Variants in ZC4H2 observed in about 807,000 individuals in gnomAD.
The protein encoded by ZC4H2 is zinc finger C4H2-type containing, also known as zinc finger C4H2 domain-containing protein.
For synonymous variants in ZC4H2, 84 were observed against 66.3 expected, an observed-to-expected ratio of 1.27 and a Z score of -1.30; for missense variants, 137 against 173.9, an observed-to-expected ratio of 0.79 and a Z score of 1.19.
In ZC4H2 at chrX:64,953,938, A is replaced by G. The variant is rs752978164; in HGVS notation, c.53+22387T>C. Reference sequence around the variant, plus strand: ...CAAGCCAAATGTCCAACAATGATAGACTGGATTAAGAAAATGTGGCATATA... The same window carrying G: ...CAAGCCAAATGTCCAACAATGATAGGCTGGATTAAGAAAATGTGGCATATA... On this transcript the variant is annotated intron_variant, in intron 1 of 4. Coordinates refer to ENST00000374839, the MANE Select transcript of ZC4H2 (RefSeq NM_018684.4). Among the ~76,000 whole-genome samples, 12 of 111,097 alleles carry G rather than the reference A, an allele frequency of 1.1e-4. No homozygotes were observed. In the South Asian group the frequency reaches 4.6e-3, roughly 42 times the overall value.
chrX:65,007,170 T>C (rs1932680357), intron 1 of ZC4H2, among the ~76,000 whole-genome samples: 1 of 112,093 alleles, frequency 8.9e-6, no homozygotes, highest in African/African-American at 3.2e-5. Flanking sequence ...AGTCTTTGTC[T>C]GATATACCTG....
chrX:64,979,112 A>T (rs1932034878), upstream of ZC4H2, among the ~76,000 whole-genome samples: 1 of 112,083 alleles, frequency 8.9e-6, no homozygotes, highest in African/African-American at 3.2e-5. Context: ...ACAGATGAGG[A>T]AACTGAGACC....
At chrX:65,001,434 C>T (rs1386352166) in intron 1 of ZC4H2, among the ~76,000 whole-genome samples, 3 of 111,810 alleles carry the variant, frequency 2.7e-5, no homozygotes, top group African/African-American at 9.8e-5. Flanking sequence ...TACAAGAGAT[C>T]CTGAAGGAAG....
chrX:64,920,349 G>A (rs1929141871), intron 2 of ZC4H2, 96 bp from the exon 3 acceptor site: 14 of 958,942 alleles, frequency 1.5e-5, no homozygotes, highest in Non-Finnish European at 2.0e-5. Context: ...TCCAGAACTT[G>A]TTCAGTCTAT....
At chrX:64,945,556 C>T (rs1023160391) in intron 1 of ZC4H2, among the ~76,000 whole-genome samples, 5 of 111,650 alleles carry the variant, frequency 4.5e-5, no homozygotes, top group Non-Finnish European at 7.5e-5. Flanking sequence ...GAGGCATAGG[C>T]GTCAGGGACC....
chrX:65,018,190 G>A (rs1403050777), intron 1 of ZC4H2, among the ~76,000 whole-genome samples: 1 of 112,468 alleles, frequency 8.9e-6, no homozygotes, highest in Non-Finnish European at 1.9e-5. Context: ...CTCAAAAGAC[G>A]ACATACAAGC....
intron 1 of ZC4H2, among the ~76,000 whole-genome samples, chrX:64,987,226 C>A (rs1284808228): frequency 9.1e-6 from 1 of 110,202 alleles, no homozygotes; most frequent in African/African-American, 3.3e-5. Flanking sequence ...CCGTGCCTGG[C>A]CGACACAGAC....
intron 1 of ZC4H2, among the ~76,000 whole-genome samples, chrX:64,997,280 C>T (rs1198669358): frequency 2.7e-5 from 3 of 112,128 alleles, no homozygotes; most frequent in Non-Finnish European, 5.6e-5. Context: ...ACTATCAAGA[C>T]ACACCCAGAT....
chrX:64,995,309 A>C (rs1356247704), intron 1 of ZC4H2, among the ~76,000 whole-genome samples: 1 of 111,384 alleles, frequency 9.0e-6, no homozygotes, highest in Non-Finnish European at 1.9e-5. Flanking sequence ...AAATGGTAGG[A>C]TATCTTGTGA....
chrX:64,974,857 G>A (rs754302526), intron 1 of ZC4H2, among the ~76,000 whole-genome samples: 2 of 107,436 alleles, frequency 1.9e-5, no homozygotes, highest in African/African-American at 3.4e-5. Flanking sequence ...GGTGAGAGTG[G>A]AAGTCTAGGC....
intron 1 of ZC4H2, among the ~76,000 whole-genome samples, chrX:65,000,771 C>A (rs931349772): frequency 8.9e-6 from 1 of 111,757 alleles, no homozygotes; most frequent in African/African-American, 3.3e-5. Context: ...AAACACAGCA[C>A]GAGAACTTCG....
intron 1 of ZC4H2, among the ~76,000 whole-genome samples, chrX:65,000,446 G>A (rs1055421596): frequency 1.8e-5 from 2 of 111,993 alleles, no homozygotes; most frequent in African/African-American, 3.3e-5. Flanking sequence ...CAACATCAAA[G>A]ACCAAAGGTA....
chrX:64,926,666 C>T (rs184893698), intron 1 of ZC4H2, among the ~76,000 whole-genome samples: 94 of 112,280 alleles, frequency 8.4e-4, no homozygotes, highest in Non-Finnish European at 1.4e-3. Context: ...TCCATATATC[C>T]TTTTCTATGA....
At chrX:65,005,219 T>G (rs1284917861) in intron 1 of ZC4H2, among the ~76,000 whole-genome samples, 1 of 111,698 alleles carries the variant, frequency 9.0e-6, no homozygotes, top group Non-Finnish European at 1.9e-5. Context: ...TTCAAAGAAT[T>G]GGAAAAAACT....
chrX:64,952,556 C>A (rs1391018927), intron 1 of ZC4H2, among the ~76,000 whole-genome samples: 1 of 111,091 alleles, frequency 9.0e-6, no homozygotes, highest in Non-Finnish European at 1.9e-5. Flanking sequence ...CATGAGTGAA[C>A]TCCCTTTCAC....
At chrX:65,013,712 G>A (rs1042953849) in intron 1 of ZC4H2, among the ~76,000 whole-genome samples, 1 of 111,451 alleles carries the variant, frequency 9.0e-6, no homozygotes. Context: ...CTAGAGTCCA[G>A]CCAACACCTT....
chrX:64,921,799 C>T lies in ZC4H2; in HGVS notation c.225+18G>A. 1.7e-6 allele frequency: 2 copies of T among 1,206,703 alleles called. No individual in the cohort carries two copies. Among genetic ancestry groups the T allele is most frequent in the Non-Finnish European group, 2.2e-6 (2 of 893,304 alleles). On this transcript the variant is annotated intron_variant, in intron 2 of 4. Coordinates refer to ENST00000374839, the MANE Select transcript of ZC4H2 (RefSeq NM_018684.4). ...CTTTCTCAAAGGCTTTAGAGATAGG[C>T]TCCAGGCAGCCACGTACCACATTGA...
intron 1 of ZC4H2, among the ~76,000 whole-genome samples, chrX:64,963,955 T>C (rs754663337): frequency 4.2e-4 from 47 of 111,643 alleles, no homozygotes; most frequent in African/African-American, 1.5e-3. Flanking sequence ...AAATACTGCA[T>C]GATTCCACTC....
At chrX:64,951,307 T>C (rs1930816306) in intron 1 of ZC4H2, among the ~76,000 whole-genome samples, 1 of 112,171 alleles carries the variant, frequency 8.9e-6, no homozygotes, top group African/African-American at 3.2e-5. Flanking sequence ...CTCCTTTGGG[T>C]ATATACCCAG....
Sources: allele counts gnomAD v4.1 joint callset (sites outside exome capture counted in the v4.1 genomes callset), GRCh38; gene constraint gnomAD v4.1.1; transcripts MANE v1.5; gene names NCBI Gene and HGNC (gene_info 2026-07-23, HGNC 2026-07-21).